Variants in SSBP3 observed in about 807,000 individuals in gnomAD.
SSBP3 encodes single stranded DNA binding protein 3, also known as single-stranded DNA-binding protein 3.
In SSBP3, 5 loss-of-function variants were observed where a neutral mutation model predicts 69.6. The observed-to-expected ratio is 0.07, with a 90% CI of 0.04 to 0.15. The LOEUF (loss-of-function observed/expected upper bound fraction) is 0.15. SSBP3 is among the 10% of genes least tolerant of loss of function. The pLI is 1.00. For missense variants in SSBP3, 312 were observed against 534.0 expected (o/e 0.58, Z 4.10); for synonymous variants, 196 against 193.4 (o/e 1.01, Z -0.11).
intron 5 of SSBP3, among the ~76,000 whole-genome samples, chr1:54,273,115 C>A (rs893191816): frequency 3.3e-5 from 5 of 152,256 alleles, no homozygotes; most frequent in Non-Finnish European, 4.4e-5. Context: ...GCAGTCAAGG[C>A]CCAAGCAGCT....
At chr1:54,225,858 C>G (rs970283345) in exon 18 of SSBP3, 1 of 152,780 alleles carries the variant, frequency 6.5e-6, no homozygotes, top group Non-Finnish European at 1.5e-5. Context: ...CTGGAGCCAG[C>G]ACGTCTGTTT....
intron 4 of SSBP3, among the ~76,000 whole-genome samples, chr1:54,382,329 C>A (rs1405934437): frequency 1.3e-5 from 2 of 152,226 alleles, no homozygotes; most frequent in Non-Finnish European, 2.9e-5. Flanking sequence ...CCCACCTTGG[C>A]CTCCCAAAGT....
intron 4 of SSBP3, among the ~76,000 whole-genome samples, chr1:54,384,153 G>C (rs948108060): frequency 6.7e-6 from 1 of 150,300 alleles, no homozygotes; most frequent in African/African-American, 2.4e-5. Context: ...GAACAGTCAC[G>C]GGGCTTCTAG....
At chr1:54,327,682 T>G (rs1264654220) in intron 4 of SSBP3, among the ~76,000 whole-genome samples, 3 of 152,098 alleles carry the variant, frequency 2.0e-5, no homozygotes, top group Non-Finnish European at 4.4e-5. Flanking sequence ...CTTTTCTGAG[T>G]CATAACAATT....
intron 4 of SSBP3, among the ~76,000 whole-genome samples, chr1:54,360,918 TAAAAA>T (rs60254245): frequency 2.2e-5 from 3 of 137,452 alleles, no homozygotes; most frequent in African/African-American, 8.1e-5. Context: ...TGTCTCTACT[TAAAAA>T]AAAAAAAAAA....
upstream of SSBP3, among the ~76,000 whole-genome samples, chr1:54,407,451 G>A (rs939988977): frequency 1.1e-4 from 17 of 151,900 alleles, no homozygotes; most frequent in Non-Finnish European, 1.6e-4. Flanking sequence ...GGAAATTGAG[G>A]GGGGGGCTGG....
chr1:54,363,052 C>T (rs1390737974), intron 4 of SSBP3, among the ~76,000 whole-genome samples: 1 of 152,072 alleles, frequency 6.6e-6, no homozygotes, highest in Non-Finnish European at 1.5e-5. Context: ...TCCTCCCAGC[C>T]TCCATCAGTG....
At chr1:54,358,691 G>A (rs1557561783) in intron 4 of SSBP3, among the ~76,000 whole-genome samples, 1 of 152,206 alleles carries the variant, frequency 6.6e-6, no homozygotes, top group Non-Finnish European at 1.5e-5. Flanking sequence ...GCTGGACAGC[G>A]CTGTGGGGAC....
At chr1:54,325,444 A>C (rs1270900676) in intron 4 of SSBP3, 1 of 167,144 alleles carries the variant, frequency 6.0e-6, no homozygotes, top group East Asian at 1.9e-4. Flanking sequence ...TGAAGACAGG[A>C]GTGGAAGGTG....
intron 5 of SSBP3, among the ~76,000 whole-genome samples, chr1:54,273,754 T>C (rs545943729): frequency 1.3e-5 from 2 of 152,098 alleles, no homozygotes; most frequent in African/African-American, 4.8e-5. Flanking sequence ...CACACAGGAA[T>C]TTGGCAGCAG....
At chr1:54,339,054 T>C (rs948819234) in intron 4 of SSBP3, among the ~76,000 whole-genome samples, 1 of 152,008 alleles carries the variant, frequency 6.6e-6, no homozygotes, top group Non-Finnish European at 1.5e-5. Context: ...GGGCCTTCTC[T>C]CTCCCACAGG....
intron 5 of SSBP3, among the ~76,000 whole-genome samples, chr1:54,262,181 C>T (rs770091670): frequency 3.3e-5 from 5 of 152,246 alleles, no homozygotes; most frequent in South Asian, 2.1e-4. Flanking sequence ...TAACAGGGAG[C>T]GTGGCCTCTA....
At chr1:54,266,904 A>G (rs924625384) in intron 5 of SSBP3, among the ~76,000 whole-genome samples, 14 of 152,168 alleles carry the variant, frequency 9.2e-5, no homozygotes, top group Non-Finnish European at 1.9e-4. Context: ...CACAAAACCC[A>G]GCGCTCACGT....
At chr1:54,337,070 C>G (rs543963176) in intron 4 of SSBP3, among the ~76,000 whole-genome samples, 1 of 152,248 alleles carries the variant, frequency 6.6e-6, no homozygotes, top group Non-Finnish European at 1.5e-5. Context: ...GCAAAGTGCG[C>G]TGCCGCAGGT....
intron 4 of SSBP3, among the ~76,000 whole-genome samples, chr1:54,373,946 G>A (rs1647176836): frequency 6.6e-6 from 1 of 152,114 alleles, no homozygotes; most frequent in African/African-American, 2.4e-5. Context: ...CAGAGCTGCG[G>A]TCAGTGTGAA....
intron 5 of SSBP3, among the ~76,000 whole-genome samples, chr1:54,272,661 G>A (rs1204125746): frequency 1.3e-5 from 2 of 152,282 alleles, no homozygotes; most frequent in Non-Finnish European, 2.9e-5. Context: ...GGACCTCGTG[G>A]GGGCAGAGGG....
chr1:54,255,035 G>A (rs1185427850), intron 7 of SSBP3, among the ~76,000 whole-genome samples: 1 of 151,388 alleles, frequency 6.6e-6, no homozygotes, highest in Non-Finnish European at 1.5e-5. Context: ...GTTTCACCAT[G>A]TTGGCCAGGC....
intron 14 of SSBP3, chr1:54,238,873 A>C: frequency 2.5e-6 from 1 of 407,030 alleles, no homozygotes; most frequent in Non-Finnish European, 4.8e-6. Flanking sequence ...GGAGGTGGCA[A>C]GTCCCAGCAG....
At chr1:54,272,517 G>C (rs1192939095) in intron 5 of SSBP3, among the ~76,000 whole-genome samples, 5 of 149,954 alleles carry the variant, frequency 3.3e-5, no homozygotes, top group African/African-American at 1.2e-4. Context: ...AAAAACCTCA[G>C]TACAATTTGC....
Sources: gnomAD v4.1 joint callset for allele counts (sites outside exome capture counted in the v4.1 genomes callset) on GRCh38, gnomAD v4.1.1 for gene constraint, MANE v1.5 for transcripts, NCBI Gene and HGNC (gene_info 2026-07-23, HGNC 2026-07-21) for gene names.